Variants in CABCOCO1 observed in about 807,000 individuals in gnomAD.
CABCOCO1 encodes the protein ciliary associated calcium binding coiled-coil 1, also known as ciliary-associated calcium-binding coiled-coil protein 1.
A neutral mutation model predicts 35.7 loss-of-function variants in CABCOCO1; 28 were observed. The ratio of observed to expected loss-of-function variants is 0.78; its 90% confidence interval spans 0.58 to 1.07. CABCOCO1 has a LOEUF of 1.07. Ranked by LOEUF, CABCOCO1 falls within the 50% of genes least tolerant of loss-of-function variation. The probability of loss-of-function intolerance (pLI) is 0.00; values close to 1 mark genes in which losing one functional copy is unlikely to be tolerated. For synonymous variants in CABCOCO1, 95 were observed against 100.1 expected (o/e 0.95, Z 0.30); for missense variants, 326 against 309.2 (o/e 1.05, Z -0.41).
intron 2 of CABCOCO1, among the ~76,000 whole-genome samples, chr10:61,679,408 C>A (rs953700200): frequency 2.0e-5 from 3 of 152,128 alleles, no homozygotes; most frequent in Admixed American, 2.0e-4. Flanking sequence ...CCCTTGTCTG[C>A]AATAGCAGGA....
At chr10:61,680,423 T>G (rs1255953359) in intron 2 of CABCOCO1, among the ~76,000 whole-genome samples, 1 of 124,010 alleles carries the variant, frequency 8.1e-6, no homozygotes, top group African/African-American at 2.9e-5. Context: ...ATAATATATA[T>G]TTATATATTA....
chr10:61,668,496 A>C (rs1406153033), intron 1 of CABCOCO1, among the ~76,000 whole-genome samples: 1 of 152,000 alleles, frequency 6.6e-6, no homozygotes, highest in Non-Finnish European at 1.5e-5. Context: ...GGTTTAGTTC[A>C]TCTTTGATCA....
At chr10:61,725,287 C>T (rs1188572383) in intron 5 of CABCOCO1, among the ~76,000 whole-genome samples, 2 of 152,160 alleles carry the variant, frequency 1.3e-5, no homozygotes, top group African/African-American at 4.8e-5. Context: ...ATAAATCATG[C>T]TGCTATAAAG....
In CABCOCO1 at chr10:61,695,067, G is replaced by A. The variant is rs374139479; in HGVS notation, c.552+4446G>A. The stretch of plus-strand genomic sequence containing the variant: ...AAAAATCACACAGAAAACAAAAATA[G>A]ACCACAAGTGCTCCAGATGATGGAG... On this transcript the variant is annotated intron_variant, in intron 5 of 7. Transcript: ENST00000648843. 7.9e-5 allele frequency among the ~76,000 whole-genome samples: 12 copies of A among 151,998 alleles called. No individual in the cohort carries two copies. In the East Asian group the frequency reaches 1.2e-3, roughly 15 times the overall value.
chr10:61,681,694 A>G (rs978060799), intron 3 of CABCOCO1, among the ~76,000 whole-genome samples: 2 of 152,172 alleles, frequency 1.3e-5, no homozygotes, highest in East Asian at 3.8e-4. Flanking sequence ...TTAGGCAGCT[A>G]TAACAAGGAG....
intron 5 of CABCOCO1, among the ~76,000 whole-genome samples, chr10:61,701,000 G>A (rs1589130247): frequency 6.6e-6 from 1 of 151,006 alleles, no homozygotes; most frequent in African/African-American, 2.4e-5. Flanking sequence ...GAGAGAGAAC[G>A]GGTCCTGAAG....
At chr10:61,698,731 G>A (rs558585267) in intron 5 of CABCOCO1, among the ~76,000 whole-genome samples, 2 of 152,086 alleles carry the variant, frequency 1.3e-5, no homozygotes, top group Admixed American at 6.6e-5. Flanking sequence ...CTTAAACATT[G>A]TTAGCTTTGT....
At chr10:61,663,873 C>T (rs928913304) in intron 1 of CABCOCO1, among the ~76,000 whole-genome samples, 5 of 152,000 alleles carry the variant, frequency 3.3e-5, no homozygotes, top group Non-Finnish European at 2.9e-5. Context: ...ACGATTGTTC[C>T]TAGGAAGTTT....
intron 4 of CABCOCO1, among the ~76,000 whole-genome samples, chr10:61,686,835 T>C (rs1458308366): frequency 6.6e-6 from 1 of 152,198 alleles, no homozygotes. Context: ...TGTCTTTTTA[T>C]ATAATCTGTC....
Position 61,758,537 on chromosome 10 carries a change from A to G in CABCOCO1, c.553-1522A>G, listed in dbSNP as rs954688754. ...TTAACATTTAGTTGACTTAAGATAA[A>G]CAATCTGGAATGATGTCACCTAACA... On this transcript the variant is annotated intron_variant, in intron 5 of 7. Transcript: ENST00000648843. Among the ~76,000 whole-genome samples the G allele has an allele frequency of 2.0e-5, 3 of 152,196 alleles. No homozygotes were observed. In the South Asian group the frequency reaches 6.2e-4, roughly 32 times the overall value.
chr10:61,681,422 G>A lies in CABCOCO1; in HGVS notation c.334+110G>A, dbSNP rs566408928. 72 of 805,944 alleles carry A rather than the reference G, an allele frequency of 8.9e-5. No individual in the cohort carries two copies. The African/African-American group carries it at 1.1e-3, about 12-fold the overall frequency. The allele number at this position is 805,944 out of a possible 1,614,324, so 49.9% of individuals were successfully genotyped here. A position where few individuals can be genotyped will look rare whatever the true frequency, so the allele number is the denominator to read the frequency against. ...TTGTAATTCCTTTAATGAAAAATAC[G>A]GGTTTTTCCTGAGTATAACAAATAC... is the stretch of plus-strand genomic sequence containing the variant. On this transcript the variant is annotated intron_variant, in intron 3 of 7. Coordinates refer to ENST00000648843, the MANE Select transcript of CABCOCO1 (RefSeq NM_001366906.2).
chr10:61,759,824 T>G (rs1347913903), intron 5 of CABCOCO1, among the ~76,000 whole-genome samples: 1 of 152,014 alleles, frequency 6.6e-6, no homozygotes. Flanking sequence ...CATGAAATCC[T>G]AAACCACAGA....
At chr10:61,704,407 T>G (rs926059481) in intron 5 of CABCOCO1, among the ~76,000 whole-genome samples, 3 of 152,174 alleles carry the variant, frequency 2.0e-5, no homozygotes, top group Non-Finnish European at 4.4e-5. Flanking sequence ...CCTCTCTTGA[T>G]CTCTCTCTTG....
chr10:61,676,567 G>A (rs1839516779), intron 2 of CABCOCO1, among the ~76,000 whole-genome samples: 1 of 152,050 alleles, frequency 6.6e-6, no homozygotes, highest in African/African-American at 2.4e-5. Flanking sequence ...TAGGATTAGT[G>A]TTACAAAAAT....
At chr10:61,668,692 G>T (rs1292068299) in intron 1 of CABCOCO1, among the ~76,000 whole-genome samples, 1 of 151,690 alleles carries the variant, frequency 6.6e-6, no homozygotes, top group Non-Finnish European at 1.5e-5. Context: ...ATTACCTCTT[G>T]CTTTTACTTA....
intron 3 of CABCOCO1, among the ~76,000 whole-genome samples, chr10:61,685,578 T>C (rs564014908): frequency 6.6e-6 from 1 of 152,202 alleles, no homozygotes. Context: ...GCGCTATTCC[T>C]GAGACAGAGT....
At chr10:61,744,493 A>T (rs1216178145) in intron 5 of CABCOCO1, among the ~76,000 whole-genome samples, 2 of 152,172 alleles carry the variant, frequency 1.3e-5, no homozygotes, top group Non-Finnish European at 2.9e-5. Flanking sequence ...CAAACATAGC[A>T]TCATTTTAAT....
intron 5 of CABCOCO1, among the ~76,000 whole-genome samples, chr10:61,727,754 A>G (rs1173908680): frequency 6.6e-5 from 10 of 152,192 alleles, no homozygotes; most frequent in Non-Finnish European, 1.3e-4. Flanking sequence ...TAAAAAATAA[A>G]CCAAAATAAT....
chr10:61,714,005 C>G (rs1354288630), intron 5 of CABCOCO1, among the ~76,000 whole-genome samples: 1 of 152,270 alleles, frequency 6.6e-6, no homozygotes, highest in Non-Finnish European at 1.5e-5. Context: ...GCTTTGGTAT[C>G]ACGATGATGT....
Sources: gnomAD v4.1 joint callset for allele counts (sites outside exome capture counted in the v4.1 genomes callset) on GRCh38, gnomAD v4.1.1 for gene constraint, MANE v1.5 for transcripts, NCBI Gene and HGNC (gene_info 2026-07-23, HGNC 2026-07-21) for gene names.